Variants in CDH18 observed in about 807,000 individuals in gnomAD.
The protein encoded by CDH18 is cadherin 18.
A neutral mutation model predicts 67.9 loss-of-function variants in CDH18; 31 were observed. The observed-to-expected ratio is 0.46, with a 90% CI of 0.34 to 0.62. CDH18 has a LOEUF of 0.62. Ranked by LOEUF, CDH18 falls within the 20% of genes least tolerant of loss-of-function variation. The pLI, the probability that CDH18 is intolerant of heterozygous loss-of-function variation, is 0.01. For synonymous variants in CDH18, 362 were observed against 347.2 expected (o/e 1.04, Z -0.48); for missense variants, 890 against 975.5 (o/e 0.91, Z 1.17).
chr5:19,717,232 T>C (rs1013033001), intron 5 of CDH18, among the ~76,000 whole-genome samples: 4 of 152,046 alleles, frequency 2.6e-5, no homozygotes, highest in South Asian at 2.1e-4. Flanking sequence ...TTGTATGAAA[T>C]AGACACAGGC....
At chr5:20,553,438 AAAC>A (rs1448268835) in intron 1 of CDH18, among the ~76,000 whole-genome samples, 2 of 152,194 alleles carry the variant, frequency 1.3e-5, no homozygotes, top group African/African-American at 2.4e-5. Flanking sequence ...TATACAAAAC[AAAC>A]AACAACAAAA....
At chr5:19,945,901 G>A (rs1795236735) in intron 2 of CDH18, among the ~76,000 whole-genome samples, 1 of 152,046 alleles carries the variant, frequency 6.6e-6, no homozygotes, top group Non-Finnish European at 1.5e-5. Context: ...TAATATTCAT[G>A]TCATTGGAGT....
intron 2 of CDH18, among the ~76,000 whole-genome samples, chr5:20,198,323 G>A (rs902720937): frequency 1.3e-5 from 2 of 152,130 alleles, no homozygotes; most frequent in African/African-American, 4.8e-5. Context: ...CCAAAATGCT[G>A]ATAGTGATAT....
chr5:19,966,214 T>C (rs1288173140), intron 2 of CDH18, among the ~76,000 whole-genome samples: 1 of 152,190 alleles, frequency 6.6e-6, no homozygotes, highest in Non-Finnish European at 1.5e-5. Flanking sequence ...ATATGCTTAT[T>C]TCTGGACAGC....
intron 1 of CDH18, among the ~76,000 whole-genome samples, chr5:20,328,648 T>A (rs1738855170): frequency 6.6e-6 from 1 of 152,180 alleles, no homozygotes; most frequent in Admixed American, 6.6e-5. Context: ...CTACTCCTCA[T>A]CTTTGGCTAA....
intron 5 of CDH18, among the ~76,000 whole-genome samples, chr5:19,668,917 T>C (rs958023563): frequency 6.6e-6 from 1 of 151,624 alleles, no homozygotes; most frequent in Non-Finnish European, 1.5e-5. Context: ...CTTGAGATTA[T>C]ATTAAAATAA....
intron 7 of CDH18, among the ~76,000 whole-genome samples, chr5:19,572,539 C>T (rs1434098502): frequency 6.6e-6 from 1 of 152,158 alleles, no homozygotes; most frequent in African/African-American, 2.4e-5. Context: ...ATACCATACA[C>T]TGGGTGGCTT....
intron 1 of CDH18, among the ~76,000 whole-genome samples, chr5:20,262,612 G>T (rs1157806453): frequency 1.3e-5 from 2 of 152,048 alleles, no homozygotes; most frequent in African/African-American, 4.8e-5. Context: ...AACTATTTTT[G>T]TAATAATCAA....
chr5:20,494,180 T>C (rs1052437228), intron 1 of CDH18, among the ~76,000 whole-genome samples: 2 of 152,130 alleles, frequency 1.3e-5, no homozygotes, highest in East Asian at 1.9e-4. Flanking sequence ...TTCTTAGAGA[T>C]AGACAAATAC....
chr5:19,520,740 T>TGTGG lies in CDH18; in HGVS notation c.1428_1429insCCAC (p.Arg477ProfsTer8). ...GGATTGTCATTGACATCCAGAACTCTAATACCCACTGTGACATGGCTCAGC... is the reference window on the plus strand; with the variant it reads ...GGATTGTCATTGACATCCAGAACTCTGTGGAATACCCACTGTGACATGGCTCAGC... On this transcript the variant is annotated frameshift_variant, in exon 10 of 13. Transcript: ENST00000382275. LOFTEE classifies it high-confidence loss of function. The TGTGG allele has an allele frequency of 6.2e-7, 1 of 1,613,278 alleles. No individual in the cohort carries two copies. Among genetic ancestry groups the TGTGG allele is most frequent in the South Asian group, 1.1e-5 (1 of 91,026 alleles).
chr5:19,551,387 T>C (rs899349539), intron 8 of CDH18, among the ~76,000 whole-genome samples: 2 of 152,102 alleles, frequency 1.3e-5, no homozygotes, highest in African/African-American at 4.8e-5. Context: ...TATGTGAATA[T>C]TATATCAAGC....
At chr5:19,486,316 AAT>A (rs534156493) in intron 11 of CDH18, among the ~76,000 whole-genome samples, 3 of 150,666 alleles carry the variant, frequency 2.0e-5, no homozygotes, top group Non-Finnish European at 3.0e-5. Context: ...ATTATATAGA[AAT>A]ATATATATAC....
chr5:20,509,434 C>T (rs1457218018), intron 1 of CDH18, among the ~76,000 whole-genome samples: 2 of 140,832 alleles, frequency 1.4e-5, no homozygotes, highest in African/African-American at 2.6e-5. Context: ...GATGGAGTCT[C>T]ATTCTGTCAC....
chr5:20,125,064 T>G (rs2126441779), intron 2 of CDH18, among the ~76,000 whole-genome samples: 1 of 152,290 alleles, frequency 6.6e-6, no homozygotes, highest in East Asian at 1.9e-4. Flanking sequence ...TACATTGAAT[T>G]TTTAAAGTTG....
intron 1 of CDH18, among the ~76,000 whole-genome samples, chr5:20,491,107 A>G (rs1473966486): frequency 2.0e-5 from 3 of 151,948 alleles, no homozygotes; most frequent in Admixed American, 1.3e-4. Context: ...GTTTTTAAAT[A>G]TTTTTACAAA....
intron 2 of CDH18, among the ~76,000 whole-genome samples, chr5:20,047,446 C>T (rs1055821988): frequency 2.0e-5 from 3 of 151,764 alleles, no homozygotes; most frequent in Middle Eastern, 3.2e-3. Context: ...AGTAGAAATG[C>T]TTAGGGAATC....
chr5:19,956,180 C>T (rs1048625384), intron 2 of CDH18, among the ~76,000 whole-genome samples: 19 of 151,942 alleles, frequency 1.3e-4, no homozygotes, highest in Admixed American at 8.5e-4. Flanking sequence ...GGTATCATTG[C>T]AAACGGAGAA....
At chr5:19,895,370 T>C (rs531327655) in intron 2 of CDH18, among the ~76,000 whole-genome samples, 24 of 152,284 alleles carry the variant, frequency 1.6e-4, no homozygotes, top group Admixed American at 7.2e-4. Context: ...GTGGTTTTTC[T>C]GATGAAAGCA....
chr5:19,536,347 A>T (rs1274334664), intron 9 of CDH18, among the ~76,000 whole-genome samples: 3 of 152,226 alleles, frequency 2.0e-5, no homozygotes, highest in Non-Finnish European at 2.9e-5. Context: ...TAACTTTGGA[A>T]AGCAGAGCAA....
Sources: gnomAD v4.1 joint callset for allele counts (sites outside exome capture counted in the v4.1 genomes callset) on GRCh38, gnomAD v4.1.1 for gene constraint, MANE v1.5 for transcripts, NCBI Gene and HGNC (gene_info 2026-07-23, HGNC 2026-07-21) for gene names.